The following CNTN3 variants were observed in gnomAD, a reference collection of about 807,000 sequenced individuals.
The protein encoded by CNTN3 is contactin-3.
In CNTN3, 60 loss-of-function variants were observed where a neutral mutation model predicts 119.1. The observed-to-expected ratio is 0.50, with a 90% CI of 0.41 to 0.62. The LOEUF (loss-of-function observed/expected upper bound fraction) is 0.62, where lower values mean the gene tolerates loss of function less well. Among genes scored for constraint, CNTN3 ranks in the 20% least tolerant of loss-of-function variants. CNTN3 has a pLI of 0.00. For synonymous variants in CNTN3, 450 were observed against 438.7 expected (o/e 1.03, Z -0.32); for missense variants, 1,101 against 1,242.4 (o/e 0.89, Z 1.71).
At chr3:74,490,285 T>C (rs554931463) in intron 3 of CNTN3, among the ~76,000 whole-genome samples, 90 of 152,304 alleles carry the variant, frequency 5.9e-4, no homozygotes, top group Non-Finnish European at 1.0e-3. Flanking sequence ...TCAGAAAAGA[T>C]GCAGTTAAGT....
At chr3:74,580,483 A>G (rs1018095692) in intron 1 of CNTN3, among the ~76,000 whole-genome samples, 7 of 152,154 alleles carry the variant, frequency 4.6e-5, no homozygotes, top group Admixed American at 3.9e-4. Flanking sequence ...AGTCCCTTGA[A>G]GTCCTAAAAA....
At chr3:74,369,463 C>T (rs773826891) in intron 7 of CNTN3, 90 bp from the exon 8 acceptor site, 67 of 1,068,428 alleles carry the variant, frequency 6.3e-5, no homozygotes, top group Non-Finnish European at 8.5e-5. Flanking sequence ...CAAGAAGGCA[C>T]AGGATTTTAA....
At chr3:74,506,563 T>C (rs1386460608) in intron 2 of CNTN3, among the ~76,000 whole-genome samples, 1 of 152,126 alleles carries the variant, frequency 6.6e-6, no homozygotes, top group East Asian at 1.9e-4. Context: ...CTTTAATGTT[T>C]TTGAACCTCC....
intron 1 of CNTN3, among the ~76,000 whole-genome samples, chr3:74,555,696 G>T (rs560708884): frequency 1.3e-5 from 2 of 152,280 alleles, no homozygotes; most frequent in African/African-American, 4.8e-5. Context: ...TAGTTCATTT[G>T]CACAGAGGTG....
At chr3:74,342,989 T>C (rs899476149) in intron 11 of CNTN3, among the ~76,000 whole-genome samples, 5 of 152,334 alleles carry the variant, frequency 3.3e-5, no homozygotes, top group East Asian at 3.9e-4. Flanking sequence ...TGATGTCTTA[T>C]ATATTAAAAG....
chr3:74,419,857 C>T (rs1701589255), intron 5 of CNTN3, among the ~76,000 whole-genome samples: 1 of 152,076 alleles, frequency 6.6e-6, no homozygotes, highest in African/African-American at 2.4e-5. Flanking sequence ...AGTCTTATGA[C>T]CTTACTGAAA....
chr3:74,575,868 C>G (rs1351142800), intron 1 of CNTN3, among the ~76,000 whole-genome samples: 1 of 152,040 alleles, frequency 6.6e-6, no homozygotes, highest in Non-Finnish European at 1.5e-5. Context: ...AGTGCCTCTA[C>G]TGTTTGAAAG....
intron 20 of CNTN3, among the ~76,000 whole-genome samples, chr3:74,279,642 A>T (rs1701956843): frequency 7.1e-6 from 1 of 141,666 alleles, no homozygotes; most frequent in African/African-American, 2.6e-5. Context: ...CTTGGGGGGA[A>T]GGTTGGGAGG....
At chr3:74,311,356 A>C (rs2106639642) in intron 13 of CNTN3, among the ~76,000 whole-genome samples, 1 of 152,186 alleles carries the variant, frequency 6.6e-6, no homozygotes, top group Middle Eastern at 3.4e-3. Flanking sequence ...CTATCGATAG[A>C]CTATTTTCCT....
At chr3:74,400,472 T>G (rs1240807320) in intron 5 of CNTN3, among the ~76,000 whole-genome samples, 1 of 152,180 alleles carries the variant, frequency 6.6e-6, no homozygotes, top group African/African-American at 2.4e-5. Context: ...ATAATAATCC[T>G]TTGTAGGGCT....
chr3:74,326,591 A>C (rs2106687902), intron 13 of CNTN3, among the ~76,000 whole-genome samples: 2 of 152,192 alleles, frequency 1.3e-5, no homozygotes, highest in Admixed American at 6.5e-5. Context: ...TCTAGCTGTA[A>C]GGAAGCTATT....
At chr3:74,527,333 T>C (rs926379284) in intron 1 of CNTN3, among the ~76,000 whole-genome samples, 2 of 151,942 alleles carry the variant, frequency 1.3e-5, no homozygotes, top group African/African-American at 2.4e-5. Flanking sequence ...TTTTTGCTTC[T>C]GGTCTTCTAG....
chr3:74,512,012 C>T (rs765803535), intron 2 of CNTN3, among the ~76,000 whole-genome samples: 2 of 152,080 alleles, frequency 1.3e-5, no homozygotes, highest in Admixed American at 6.6e-5. Context: ...GTCATTTAAG[C>T]TCTCTGAGCC....
At chr3:74,385,131 C>T (rs1038248330) in intron 5 of CNTN3, among the ~76,000 whole-genome samples, 13 of 152,180 alleles carry the variant, frequency 8.5e-5, no homozygotes, top group Non-Finnish European at 1.3e-4. Context: ...TTTATCACTT[C>T]TTGTTAGAGA....
intron 1 of CNTN3, among the ~76,000 whole-genome samples, chr3:74,612,549 T>C (rs1705100160): frequency 1.3e-5 from 2 of 152,210 alleles, no homozygotes; most frequent in Non-Finnish European, 2.9e-5. Flanking sequence ...TTATTGTCTG[T>C]GGCGGCCACA....
At position 74,465,833 on chromosome 3, in the gene CNTN3, C is replaced by T. The variant is rs561884261; in HGVS notation, c.358+20623G>A. Among the ~76,000 whole-genome samples, 3 of 152,250 alleles carry T rather than the reference C, an allele frequency of 2.0e-5. No homozygotes were observed. In the East Asian group the frequency reaches 5.8e-4, roughly 29 times the overall value. On this transcript the variant is annotated intron_variant, in intron 4 of 22. Coordinates refer to ENST00000263665, the MANE Select transcript of CNTN3 (RefSeq NM_020872.3). ...TTGTGTCTGAACCCTGAAGGAGAAG[C>T]AAGTTCCTGTCTCCTGAGACTGCTA...
chr3:74,592,257 TG>T (rs1704716069), intron 1 of CNTN3, among the ~76,000 whole-genome samples: 1 of 151,684 alleles, frequency 6.6e-6, no homozygotes, highest in African/African-American at 2.4e-5. Flanking sequence ...AGATGATCAA[TG>T]AGAGAGGAGA....
chr3:74,301,597 T>C (rs778288069), intron 15 of CNTN3, 50 bp from the exon 16 acceptor site: 16 of 1,612,200 alleles, frequency 9.9e-6, no homozygotes, highest in Non-Finnish European at 1.3e-5. Flanking sequence ...TAGCATTGAC[T>C]TGAAATCCAT....
intron 2 of CNTN3, among the ~76,000 whole-genome samples, chr3:74,514,290 C>A (rs1703415797): frequency 6.6e-6 from 1 of 152,078 alleles, no homozygotes; most frequent in Non-Finnish European, 1.5e-5. Flanking sequence ...GTTGAATAAT[C>A]TTCATTTATG....
Sources: allele counts gnomAD v4.1 joint callset (sites outside exome capture counted in the v4.1 genomes callset), GRCh38; gene constraint gnomAD v4.1.1; transcripts MANE v1.5; gene names NCBI Gene and HGNC (gene_info 2026-07-23, HGNC 2026-07-21).